Variants in PUM3 observed in about 807,000 individuals in gnomAD.
The protein encoded by PUM3 is pumilio homolog 3.
In PUM3, 91 loss-of-function variants were observed where a neutral mutation model predicts 84.0. That is an observed-to-expected ratio of 1.08 (90% CI 0.91 to 1.29). The LOEUF is 1.29. Ranked by LOEUF, PUM3 falls within the 50% of genes most tolerant of loss-of-function variation. The probability of loss-of-function intolerance (pLI) is 0.00; values close to 1 mark genes in which losing one functional copy is unlikely to be tolerated. For synonymous variants in PUM3, 321 were observed against 266.7 expected, an observed-to-expected ratio of 1.20 and a Z score of -1.98; for missense variants, 1,067 against 767.5, an observed-to-expected ratio of 1.39 and a Z score of -4.61.
chr9:2,804,454 C>T lies in PUM3; in HGVS notation c.1824G>A (p.Gln608=). The T allele has an allele frequency of 6.2e-7, 1 of 1,613,366 alleles. No homozygotes were observed. The highest frequency in any genetic ancestry group is 8.5e-7 in the Non-Finnish European group (1 of 1,179,766). Residue 608 remains glutamine (Q), a synonymous_variant, in exon 18 of 18, where the codon CAG becomes CAA. Coordinates refer to ENST00000397885, the MANE Select transcript of PUM3 (RefSeq NM_014878.5). ...RGAIILSSLL[Q]SCDLEVANKV... The stretch of plus-strand genomic sequence containing the variant: ...TGTTTGCAACTTCCAGGTCACAACT[C>T]TGGAGGAGGCTGAAGAGAGGAAAAA...
At position 2,804,191 on chromosome 9, in the gene PUM3, T is replaced by C. The variant is rs1045012897; in HGVS notation, c.*140A>G. 1.2e-5 allele frequency: 9 copies of C among 747,242 alleles called. No homozygotes were observed. The highest frequency in any genetic ancestry group is 5.4e-5 in the African/African-American group (3 of 55,918). 46.3% of individuals were successfully genotyped at this position (747,242 alleles called of 1,614,324 possible). ...CATTTAAAAAAACAATTTATATAAA[T>C]AGATTCGTATACAAAGAAGAAACAC... On this transcript the variant is annotated 3_prime_UTR_variant, in exon 18 of 18. Coordinates refer to ENST00000397885, the MANE Select transcript of PUM3 (RefSeq NM_014878.5).
chr9:2,841,423 G>C (rs10733432), intron 1 of PUM3, among the ~76,000 whole-genome samples: 70,649 of 151,822 alleles, frequency 0.47, 16,812 homozygotes, highest in South Asian at 0.58. Flanking sequence ...AATTTAGCTG[G>C]GCATGGTGGT....
intron 7 of PUM3, 105 bp downstream of exon 7, chr9:2,830,857 T>C (rs1332186630): frequency 7.6e-6 from 5 of 654,458 alleles, no homozygotes; most frequent in African/African-American, 5.6e-5. Flanking sequence ...GCCATTACTA[T>C]TACTTATAAA....
chr9:2,822,123 TG>T (rs1459445296), intron 12 of PUM3, among the ~76,000 whole-genome samples: 1 of 152,116 alleles, frequency 6.6e-6, no homozygotes, highest in Non-Finnish European at 1.5e-5. Flanking sequence ...GGTACAGAAT[TG>T]AATGTAAGTG....
intron 12 of PUM3, among the ~76,000 whole-genome samples, chr9:2,822,795 T>C (rs1415018474): frequency 1.3e-5 from 2 of 149,436 alleles, no homozygotes; most frequent in South Asian, 2.1e-4. Flanking sequence ...TTATGAAATA[T>C]ATATGAATAT....
At chr9:2,812,171 C>A (rs1821387684) in intron 14 of PUM3, 49 bp downstream of exon 14, 1 of 1,541,448 alleles carries the variant, frequency 6.5e-7, no homozygotes, top group South Asian at 1.1e-5. Context: ...ATGCACTACT[C>A]AACATTAACA....
At chr9:2,836,382 G>C (rs1161807876) in intron 3 of PUM3, among the ~76,000 whole-genome samples, 4 of 152,184 alleles carry the variant, frequency 2.6e-5, no homozygotes, top group Non-Finnish European at 5.9e-5. Flanking sequence ...ACATAACCTG[G>C]AAACTGCTTG....
chr9:2,813,626 C>G (rs986212079), intron 13 of PUM3, among the ~76,000 whole-genome samples: 5 of 152,132 alleles, frequency 3.3e-5, no homozygotes, highest in African/African-American at 1.2e-4. Flanking sequence ...CAGATCTGCT[C>G]TTCTTAAAAG....
At chr9:2,836,303 G>GA (rs1718793605) in intron 3 of PUM3, among the ~76,000 whole-genome samples, 2 of 152,124 alleles carry the variant, frequency 1.3e-5, no homozygotes, top group Admixed American at 1.3e-4. Flanking sequence ...CTGTGCTGGA[G>GA]AAAAAGAGAA....
At position 2,831,332 on chromosome 9, in the gene PUM3, G is replaced by C. The variant is rs779152096; in HGVS notation, c.529C>G (p.His177Asp). The C allele has an allele frequency of 5.0e-6, 8 of 1,603,878 alleles. No individual in the cohort carries two copies. In the East Asian group the frequency reaches 1.1e-4, roughly 22 times the overall value. Residue 177 changes from histidine to aspartate, a missense_variant, in exon 6 of 18, where the codon CAC becomes GAC. Transcript: ENST00000397885. ...QGKIKTIAFA[H>D]DSTRVIQCYI... Reference sequence around the variant, plus strand: ...CACTGGATCACACGAGTTGAATCGTGTGCAAATGCAATCTGCAGGAAAAAG... The same window carrying C: ...CACTGGATCACACGAGTTGAATCGTCTGCAAATGCAATCTGCAGGAAAAAG...
intron 1 of PUM3, among the ~76,000 whole-genome samples, chr9:2,839,954 G>T (rs1816226025): frequency 6.6e-6 from 1 of 152,178 alleles, no homozygotes; most frequent in Non-Finnish European, 1.5e-5. Context: ...CTACAGAGTT[G>T]AGTTGGAGTT....
intron 15 of PUM3, 70 bp from the exon 16 acceptor site, chr9:2,810,501 A>C (rs1481849938): frequency 1.9e-6 from 2 of 1,057,904 alleles, no homozygotes; most frequent in African/African-American, 3.2e-5. Flanking sequence ...GAATGAATAC[A>C]TACTATTTAT....
At chr9:2,821,252 G>A (rs982999946) in intron 12 of PUM3, among the ~76,000 whole-genome samples, 8 of 151,928 alleles carry the variant, frequency 5.3e-5, no homozygotes, top group African/African-American at 1.7e-4. Context: ...AGACCATCCT[G>A]GCTAACAGGG....
At chr9:2,843,618 T>G (rs1169679374) in intron 1 of PUM3, among the ~76,000 whole-genome samples, 43 of 132,242 alleles carry the variant, frequency 3.3e-4, no homozygotes, top group South Asian at 1.6e-3. Context: ...TTGCTCTGTC[T>G]CCCAGGCTGG....
rs34825543 is a variant in PUM3 at position 2,837,369 on chromosome 9, TC to T, written c.114del (p.Val40LeufsTer26). 16 of 1,613,342 alleles carry T rather than the reference TC, an allele frequency of 9.9e-6. No individual in the cohort carries two copies. In the African/African-American group the frequency reaches 2.0e-4, roughly 20 times the overall value. ...DSGSSKTFPTRKVAKEGGPKV... is the reference protein window; with the variant it reads ...DSGSSKTFPTXKVAKEGGPKV... ...TTAGGTCCACCTTCTTTAGCAACTT[TC>T]CTTGTTGGAAATGTCTTTGAAGAAC... On this transcript the variant is annotated frameshift_variant, in exon 3 of 18. Coordinates refer to ENST00000397885, the MANE Select transcript of PUM3 (RefSeq NM_014878.5). LOFTEE classifies it high-confidence loss of function.
chr9:2,835,658 T>C (rs1586728368), intron 3 of PUM3, among the ~76,000 whole-genome samples: 1 of 152,158 alleles, frequency 6.6e-6, no homozygotes, highest in African/African-American at 2.4e-5. Flanking sequence ...CAATAGAGGA[T>C]AGGAACTGAT....
chr9:2,820,135 G>C, intron 12 of PUM3, 37 bp from the exon 13 acceptor site: 1 of 1,304,504 alleles, frequency 7.7e-7, no homozygotes, highest in South Asian at 1.2e-5. Flanking sequence ...TTAAAAACAA[G>C]TGCATAGATC....
At chr9:2,841,307 G>T (rs920044684) in intron 1 of PUM3, among the ~76,000 whole-genome samples, 16 of 152,188 alleles carry the variant, frequency 1.1e-4, no homozygotes, top group African/African-American at 3.9e-4. Context: ...TTAGAGGCTT[G>T]CATGGTGGCT....
chr9:2,818,276 A>C (rs1821515441), intron 13 of PUM3, among the ~76,000 whole-genome samples: 2 of 152,246 alleles, frequency 1.3e-5, no homozygotes, highest in African/African-American at 4.8e-5. Context: ...GAGATCGGCA[A>C]ATCAGGCCAT....
Sources: gnomAD v4.1 joint callset for allele counts (sites outside exome capture counted in the v4.1 genomes callset) on GRCh38, gnomAD v4.1.1 for gene constraint, MANE v1.5 for transcripts, NCBI Gene and HGNC (gene_info 2026-07-23, HGNC 2026-07-21) for gene names.